Variants in FBN3 observed in about 807,000 individuals in gnomAD.
FBN3 encodes fibrillin 3.
In FBN3, 234 loss-of-function variants were observed where a neutral mutation model predicts 330.1. The observed-to-expected ratio is 0.71, with a 90% CI of 0.64 to 0.79. The LOEUF is 0.79. FBN3 is among the 30% of genes least tolerant of loss of function. The pLI is 0.00. For missense variants in FBN3, 3,606 were observed against 3,886.9 expected (o/e 0.93, Z 1.92); for synonymous variants, 1,458 against 1,517.3 (o/e 0.96, Z 0.91).
chr19:8,070,168 A>T (rs897763945), intron 63 of FBN3, among the ~76,000 whole-genome samples: 1 of 152,188 alleles, frequency 6.6e-6, no homozygotes, highest in Non-Finnish European at 1.5e-5. Flanking sequence ...GAGGGGAAAA[A>T]GGGCCTTTCA....
rs150721232 is a variant in FBN3, at chr19:8,130,684, A to G, written c.2044+551T>C. Among the ~76,000 whole-genome samples the G allele has an allele frequency of 3.8e-3, 447 of 116,750 alleles. 22 individuals are homozygous for G. The highest frequency in any genetic ancestry group is 0.018 in the African/African-American group (367 of 19,902). The allele number at this position is 116,750 out of a possible 152,430, so 76.6% of individuals were successfully genotyped here. A position where few individuals can be genotyped will look rare whatever the true frequency, so the allele number is the denominator to read the frequency against. ...GGAAAAGAAAAGAAAAGAAAAGAAA[A>G]GAAAAGAAAAGAAAAGAAAAGGAAG... On this transcript the variant is annotated intron_variant, in intron 16 of 63. Transcript: ENST00000600128.
rs1293659394 is a variant in FBN3, at chr19:8,141,948, G to C, written c.731C>G (p.Ala244Gly). 7 of 1,614,204 alleles carry C rather than the reference G, an allele frequency of 4.3e-6. No homozygotes were observed. Among genetic ancestry groups the C allele is most frequent in the Middle Eastern group, 1.7e-4 (1 of 6,060 alleles). Residue 244 changes from alanine (A) to glycine (G), a missense_variant, in exon 7 of 64, where the codon GCC (alanine) becomes GGC (glycine). By Grantham distance (60) the Ala-to-Gly change is moderately conservative. Transcript: ENST00000600128. ...CTGACCCCACTATTCACCTTGGCAG[G>C]CCCCCGTGTGGATATTGGGGATGAA... ...RGFIPNIHTG[A>G]CQDVDECQAV...
rs145743196 is a variant in FBN3, at chr19:8,138,557, C to T, written c.873G>A (p.Arg291=). The T allele has an allele frequency of 1.5e-4, 245 of 1,607,200 alleles. No individual in the cohort carries two copies. The African/African-American group carries it at 2.8e-3, about 18-fold the overall frequency. Residue 291 remains arginine, a synonymous_variant, in exon 9 of 64, where the codon CGG becomes CGA. Transcript: ENST00000600128. ...SDSSAACEDY[R]AGACFSVLFG... is the part of the protein sequence containing the mutation. ...AAAGCACTGAGAAGCAGGCGCCGGCCCGGTAGTCTGCAAAAGATCAGAGGG... is the reference window on the plus strand; with the variant it reads ...AAAGCACTGAGAAGCAGGCGCCGGCTCGGTAGTCTGCAAAAGATCAGAGGG...
intron 26 of FBN3, 141 bp from the exon 27 acceptor site, chr19:8,117,730 A>T: frequency 1.1e-6 from 1 of 938,754 alleles, no homozygotes; most frequent in Non-Finnish European, 1.6e-6. Flanking sequence ...CTATCCGTAC[A>T]CTTGCATTCA....
intron 59 of FBN3, among the ~76,000 whole-genome samples, chr19:8,080,711 C>T (rs1457445839): frequency 6.6e-6 from 1 of 151,992 alleles, no homozygotes; most frequent in African/African-American, 2.4e-5. Context: ...CTCTGCCTCC[C>T]GAGTTCAAGC....
intron 8 of FBN3, among the ~76,000 whole-genome samples, chr19:8,139,499 C>T (rs894494303): frequency 5.9e-5 from 9 of 151,994 alleles, no homozygotes; most frequent in African/African-American, 1.9e-4. Flanking sequence ...GACCCATTGG[C>T]GGGGAAGGAC....
Position 8,096,586 on chromosome 19 carries a change from C to A in FBN3, c.5414-17G>T. 1 of 1,600,342 alleles carries A rather than the reference C, an allele frequency of 6.2e-7. No homozygotes were observed. On this transcript the variant is annotated splice_polypyrimidine_tract_variant and intron_variant, in intron 43 of 63. Transcript: ENST00000600128. The surrounding 1 kb of genome is among the most constrained non-coding windows in gnomAD (Gnocchi z 4.6). Reference sequence around the variant, plus strand: ...CATTCCGTCCTGGGGGTGCAGAGAGCATGGTGTTCCCAGGGCTCCTACCAC... The same window carrying A: ...CATTCCGTCCTGGGGGTGCAGAGAGAATGGTGTTCCCAGGGCTCCTACCAC...
chr19:8,138,442 C>T lies in FBN3; in HGVS notation c.988G>A (p.Val330Ile). The T allele has an allele frequency of 6.2e-7, 1 of 1,613,024 alleles. No homozygotes were observed. The highest frequency in any genetic ancestry group is 1.7e-4 in the Middle Eastern group (1 of 6,052). Residue 330 changes from valine to isoleucine, a missense_variant, in exon 9 of 64, where the codon GTC becomes ATC. Transcript: ENST00000600128. The stretch of plus-strand genomic sequence containing the variant: ...CCCCGAGGAGGACACAGCTCAGGGA[C>T]CGGGCCAGCTGCCCAGCACCTGCCC... ...DRGRCWAAGP[V>I]PELCPPRGSN...
rs1158938700 is a variant in FBN3 at position 8,109,929 on chromosome 19, T to C, written c.4334-176A>G. ...CCTAAGGGGACAGGAGCCTCCAGTC[T>C]GTCCTGTCCCCTCCAACCCCATTCC... On this transcript the variant is annotated intron_variant, in intron 34 of 63. Transcript: ENST00000600128. The surrounding 1 kb of genome is among the most constrained non-coding windows in gnomAD (Gnocchi z 5.2). Among the ~76,000 whole-genome samples, 2 of 152,162 alleles carry C rather than the reference T, an allele frequency of 1.3e-5. No homozygotes were observed. Among genetic ancestry groups the C allele is most frequent in the African/African-American group, 4.8e-5 (2 of 41,446 alleles).
intron 42 of FBN3, 68 bp from the exon 43 acceptor site, chr19:8,097,074 C>T: frequency 3.2e-6 from 5 of 1,576,318 alleles, no homozygotes; most frequent in Non-Finnish European, 4.3e-6. Context: ...AAACGTGAAA[C>T]CCAGTCCACT....
At chr19:8,117,716 G>A (rs1285213959) in intron 26 of FBN3, 127 bp from the exon 27 acceptor site, 5 of 1,086,408 alleles carry the variant, frequency 4.6e-6, no homozygotes, top group African/African-American at 1.6e-5. Context: ...AGCCCCGCAT[G>A]TGCCTATCCG....
Position 8,142,049 on chromosome 19 carries a change from G to A in FBN3, c.630C>T (p.Cys210=), listed in dbSNP as rs201700270. Residue 210 remains cysteine (C), a synonymous_variant, in exon 7 of 64, where the codon TGC becomes TGT. Transcript: ENST00000600128. The part of the protein sequence containing the change: ...LTGLVCTKAL[C]CATVGRAWGL... ...CCCAGGCACGGCCCACAGTGGCACA[G>A]CAAAGTGCCTTGGTGCACACGAGGC... The A allele has an allele frequency of 2.0e-5, 32 of 1,614,132 alleles. No individual in the cohort carries two copies. The African/African-American group carries it at 4.1e-4, about 21-fold the overall frequency.
chr19:8,106,154 C>A lies in FBN3; in HGVS notation c.4767G>T (p.Glu1589Asp). The A allele has an allele frequency of 1.2e-6, 2 of 1,614,154 alleles. No individual in the cohort carries two copies. Among genetic ancestry groups the A allele is most frequent in the Non-Finnish European group, 1.7e-6 (2 of 1,180,016 alleles). ...CACTGAGGTGGTAGCCAGGTGGGCA[C>A]TCACACTGGAAACTGCCAAACGTGT... ...CVNTFGSFQC[E>D]CPPGYHLSEH... The change falls in exon 38 of 64, where the codon GAG (glutamate) becomes GAT (aspartate). Residue 1589 changes from glutamate to aspartate, a missense_variant. Coordinates refer to ENST00000600128, the MANE Select transcript of FBN3 (RefSeq NM_032447.5).
chr19:8,140,706 G>A (rs988659605), intron 8 of FBN3, among the ~76,000 whole-genome samples: 3 of 151,998 alleles, frequency 2.0e-5, no homozygotes, highest in African/African-American at 4.8e-5. Flanking sequence ...CTTGCCCAAG[G>A]CCACAGGGTC....
intron 6 of FBN3, among the ~76,000 whole-genome samples, chr19:8,142,369 C>T (rs1002193813): frequency 2.0e-5 from 3 of 152,156 alleles, no homozygotes; most frequent in Non-Finnish European, 2.9e-5. Flanking sequence ...AAGAGACCAG[C>T]ACCTCCAAGC....
At chr19:8,146,615 CAGAGAGAGACTCAGAGAAACAG>C (rs1048380769) in intron 3 of FBN3, among the ~76,000 whole-genome samples, 86 of 140,850 alleles carry the variant, frequency 6.1e-4, no homozygotes, top group African/African-American at 2.4e-3. Context: ...GAGAGACAAA[CAGAGAGAGACTCAGAGAAACAG>C]AGAGAGAGAG....
intron 27 of FBN3, 35 bp from the exon 28 acceptor site, chr19:8,117,326 G>T (rs371857748): frequency 2.4e-5 from 37 of 1,563,124 alleles, no homozygotes; most frequent in Non-Finnish European, 3.1e-5. Context: ...GCTGGGGCTG[G>T]GGGGAGGGGT....
At position 8,131,728 on chromosome 19, in the gene FBN3, T is replaced by C. The variant is rs1305099717; in HGVS notation, c.1816A>G (p.Thr606Ala). 1.9e-6 allele frequency: 3 copies of C among 1,613,698 alleles called. No individual in the cohort carries two copies. Among genetic ancestry groups the C allele is most frequent in the Non-Finnish European group, 2.5e-6 (3 of 1,179,858 alleles). Reference sequence around the variant, plus strand: ...GTGTCCACGCACACGCGGCCATCCGTGCCTACCGCCAGCCCCCCCAGGCAC... The same window carrying C: ...GTGTCCACGCACACGCGGCCATCCGCGCCTACCGCCAGCCCCCCCAGGCAC... The part of the protein sequence containing the change: ...CQCLGGLAVG[T>A]DGRVCVDTHV... The change falls in exon 15 of 64, where the codon ACG (threonine) becomes GCG (alanine). Residue 606 changes from threonine to alanine, a missense_variant. By Grantham distance (58) the Thr-to-Ala change is moderately conservative. Transcript: ENST00000600128. The surrounding 1 kb of genome is among the most constrained non-coding windows in gnomAD (Gnocchi z 4.5).
In FBN3 at chr19:8,129,137, G is replaced by A. The variant is rs748714716; in HGVS notation, c.2187C>T (p.Ala729=). The A allele has an allele frequency of 1.9e-5, 31 of 1,612,884 alleles. No homozygotes were observed. In the South Asian group the frequency reaches 3.1e-4, roughly 16 times the overall value. ...CGTTGTCACACAGGAGGCTGTTGAGGGCACACTCATCCACGTCTGTGGGGT... is the reference window on the plus strand; with the variant it reads ...CGTTGTCACACAGGAGGCTGTTGAGAGCACACTCATCCACGTCTGTGGGGT... ...GKDCTDVDEC[A]LNSLLCDNGW... Residue 729 remains alanine (A), a synonymous_variant, in exon 18 of 64, where the codon GCC becomes GCT. Transcript: ENST00000600128. The surrounding 1 kb of genome is among the most constrained non-coding windows in gnomAD (Gnocchi z 4.5).
Sources: gnomAD v4.1 joint callset for allele counts (sites outside exome capture counted in the v4.1 genomes callset) on GRCh38, gnomAD v4.1.1 for gene constraint, Gnocchi (gnomAD v3.1) non-coding constraint, MANE v1.5 for transcripts, NCBI Gene and HGNC (gene_info 2026-07-23, HGNC 2026-07-21) for gene names.